Variants in FRMD4A observed in about 807,000 individuals in gnomAD.
FRMD4A encodes the protein FERM domain containing 4A, also known as FERM domain-containing protein 4A.
Under a neutral mutation model 129.1 loss-of-function variants are expected in FRMD4A, and 29 were observed. The ratio of observed to expected loss-of-function variants is 0.22; its 90% confidence interval spans 0.17 to 0.31. FRMD4A has a LOEUF of 0.31. Ranked by LOEUF, FRMD4A falls within the 10% of genes least tolerant of loss-of-function variation. FRMD4A has a pLI of 1.00. For missense variants in FRMD4A, 1,272 were observed against 1,375.8 expected (o/e 0.92, Z 1.19); for synonymous variants, 634 against 571.6 (o/e 1.11, Z -1.56).
intron 2 of FRMD4A, among the ~76,000 whole-genome samples, chr10:14,219,105 G>C (rs1843167557): frequency 2.0e-5 from 3 of 151,818 alleles, no homozygotes; most frequent in Admixed American, 2.0e-4. Context: ...CTGTGAGAAA[G>C]CCAGATACAC....
intron 2 of FRMD4A, among the ~76,000 whole-genome samples, chr10:14,096,753 A>C (rs560820782): frequency 2.0e-5 from 3 of 152,318 alleles, no homozygotes; most frequent in African/African-American, 2.4e-5. Flanking sequence ...TGAGCTACAG[A>C]AGCAGTGAAA....
chr10:14,321,487 C>A (rs1268766301), intron 2 of FRMD4A, among the ~76,000 whole-genome samples: 5 of 151,946 alleles, frequency 3.3e-5, no homozygotes, highest in Non-Finnish European at 7.4e-5. Flanking sequence ...AAGGAAATGT[C>A]CAACACTGTG....
In FRMD4A at chr10:14,039,718, G is replaced by C. The variant is rs139266230; in HGVS notation, c.46-180806C>G. ...TTTGTCTCTTATCTACCTATGACCT[G>C]TGAACCCTCTTCCTCACTTTGAGTT... On this transcript the variant is annotated intron_variant, in intron 2 of 24. Transcript: ENST00000357447. Among the ~76,000 whole-genome samples the C allele has an allele frequency of 4.1e-4, 63 of 152,232 alleles. 2 individuals carry two copies. In the East Asian group the frequency reaches 0.011, roughly 27 times the overall value.
intron 2 of FRMD4A, among the ~76,000 whole-genome samples, chr10:14,041,263 C>T (rs752029462): frequency 6.6e-5 from 10 of 152,200 alleles, no homozygotes; most frequent in Non-Finnish European, 1.2e-4. Context: ...TTCTTCTGAG[C>T]TGCTTTTAAG....
At chr10:14,282,169 T>G (rs954543030) in intron 2 of FRMD4A, among the ~76,000 whole-genome samples, 4 of 152,146 alleles carry the variant, frequency 2.6e-5, no homozygotes, top group Non-Finnish European at 5.9e-5. Flanking sequence ...ATAATTCAAT[T>G]ATCTCCCACT....
intron 15 of FRMD4A, among the ~76,000 whole-genome samples, chr10:13,682,658 G>A (rs1263191383): frequency 1.3e-5 from 2 of 151,530 alleles, no homozygotes; most frequent in East Asian, 2.0e-4. Flanking sequence ...ACGCCACCAC[G>A]CCCGGCTAAT....
chr10:14,003,870 C>T (rs541830757), intron 2 of FRMD4A, among the ~76,000 whole-genome samples: 274 of 152,350 alleles, frequency 1.8e-3, no homozygotes, highest in African/African-American at 6.3e-3. Flanking sequence ...TCCTCCCTGC[C>T]CCAAGGCAAA....
At chr10:13,929,063 T>C (rs2797883) in intron 2 of FRMD4A, among the ~76,000 whole-genome samples, 149,991 of 152,334 alleles carry the variant, frequency 0.98, 73,929 homozygotes, top group Middle Eastern at 1. Context: ...GTTATTCTCA[T>C]GTTTTATTTC....
intron 2 of FRMD4A, among the ~76,000 whole-genome samples, chr10:14,185,220 TC>T (rs1411781018): frequency 3.3e-5 from 5 of 152,222 alleles, no homozygotes; most frequent in Admixed American, 6.5e-5. Context: ...CACTGTGGGT[TC>T]TAATTTGCAT....
At chr10:14,094,847 T>C (rs1564285554) in intron 2 of FRMD4A, among the ~76,000 whole-genome samples, 1 of 152,226 alleles carries the variant, frequency 6.6e-6, no homozygotes, top group Non-Finnish European at 1.5e-5. Flanking sequence ...TGTGTGTGTA[T>C]GCATGCCAAG....
In FRMD4A at chr10:13,877,727, C is replaced by A. The variant is rs373398025; in HGVS notation, c.46-18815G>T. Among the ~76,000 whole-genome samples the A allele has an allele frequency of 3.0e-4, 46 of 152,332 alleles. No homozygotes were observed. The East Asian group carries it at 7.3e-3, about 24-fold the overall frequency. ...ATGTCGCTGGCAGGGACTTCTTGGT[C>A]TTGCATGAGCTGTGCTGGCAGATCC... On this transcript the variant is annotated intron_variant, in intron 2 of 24. Transcript: ENST00000357447.
At chr10:14,251,984 A>T (rs1844457199) in intron 2 of FRMD4A, among the ~76,000 whole-genome samples, 1 of 152,270 alleles carries the variant, frequency 6.6e-6, no homozygotes, top group Non-Finnish European at 1.5e-5. Context: ...AGAATAGAAA[A>T]GAAGACATTA....
At chr10:13,922,977 G>A (rs990397378) in intron 2 of FRMD4A, among the ~76,000 whole-genome samples, 16 of 152,280 alleles carry the variant, frequency 1.1e-4, no homozygotes, top group Non-Finnish European at 2.4e-4. Context: ...GTTAAATTAT[G>A]CTTGTAAGAA....
rs149660512 is a variant in FRMD4A, at chr10:13,666,272, C to G, written c.1428G>C (p.Thr476=). 1 of 1,614,092 alleles carries G rather than the reference C, an allele frequency of 6.2e-7. No homozygotes were observed. The highest frequency in any genetic ancestry group is 8.5e-7 in the Non-Finnish European group (1 of 1,179,970). The change falls in exon 18 of 25, where the codon ACG becomes ACC. Residue 476 remains threonine, a synonymous_variant. Coordinates refer to ENST00000357447, the MANE Select transcript of FRMD4A (RefSeq NM_018027.5). The part of the protein sequence containing the change: ...EREFAIQSQI[T]EAARRLASDP... ...CACTGGCTAGGCGGCGGGCGGCCTC[C>G]GTAATCTGGGACTGAATGGCAAACT...
At chr10:13,692,284 C>A (rs10752319) in intron 15 of FRMD4A, 148,675 of 152,110 alleles carry the variant, frequency 0.98, 72,738 homozygotes, top group Middle Eastern at 1. Flanking sequence ...AAGTAGTGGG[C>A]TTATAGGTGT....
chr10:14,071,765 C>T (rs758939206), intron 2 of FRMD4A, among the ~76,000 whole-genome samples: 1 of 151,806 alleles, frequency 6.6e-6, no homozygotes, highest in Non-Finnish European at 1.5e-5. Flanking sequence ...CAGAAAGATA[C>T]GCACTTAGTG....
chr10:14,177,893 C>T (rs561780051), intron 2 of FRMD4A, among the ~76,000 whole-genome samples: 33 of 152,256 alleles, frequency 2.2e-4, no homozygotes, highest in Non-Finnish European at 3.7e-4. Context: ...AGGTCCTTGA[C>T]GAAACCTCTG....
chr10:13,847,468 T>A (rs2094068274), intron 3 of FRMD4A, among the ~76,000 whole-genome samples: 1 of 152,170 alleles, frequency 6.6e-6, no homozygotes. Context: ...CTGGCCAGGC[T>A]GCACTCCTCT....
At chr10:13,740,104 A>G in intron 11 of FRMD4A, 90 bp downstream of exon 11, 4 of 828,730 alleles carry the variant, frequency 4.8e-6, no homozygotes, top group Non-Finnish European at 6.2e-6. Context: ...ATCTCAAAAG[A>G]AAAAGAAAAA....
Sources: allele counts gnomAD v4.1 joint callset (sites outside exome capture counted in the v4.1 genomes callset), GRCh38; gene constraint gnomAD v4.1.1; transcripts MANE v1.5; gene names NCBI Gene and HGNC (gene_info 2026-07-23, HGNC 2026-07-21).